The following R3HDM1 variants were observed in gnomAD, a reference collection of about 807,000 sequenced individuals.
R3HDM1 encodes the protein R3H domain-containing protein 1.
Under a neutral mutation model 141.1 loss-of-function variants are expected in R3HDM1, and 46 were observed. The ratio of observed to expected loss-of-function variants is 0.33; its 90% CI spans 0.26 to 0.42. The LOEUF is 0.42. Ranked by LOEUF, R3HDM1 falls within the 10% of genes least tolerant of loss-of-function variation. The probability of loss-of-function intolerance (pLI) is 1.00; values close to 1 mark genes in which losing one functional copy is unlikely to be tolerated. For synonymous variants in R3HDM1, 435 were observed against 472.9 expected (o/e 0.92, Z 1.04); for missense variants, 1,184 against 1,368.3 (o/e 0.87, Z 2.12).
At chr2:135,547,192 A>G (rs1282585895) in intron 1 of R3HDM1, among the ~76,000 whole-genome samples, 2 of 152,052 alleles carry the variant, frequency 1.3e-5, no homozygotes, top group Admixed American at 1.3e-4. Flanking sequence ...GTAGAACTTA[A>G]CTACATTTCT....
intron 18 of R3HDM1, among the ~76,000 whole-genome samples, 189 bp from the exon 19 acceptor site, chr2:135,661,081 A>G (rs1480580722): frequency 6.6e-6 from 1 of 151,388 alleles, no homozygotes; most frequent in Non-Finnish European, 1.5e-5. Flanking sequence ...GATTGATGAC[A>G]CATTAGTTAT....
Position 135,666,921 on chromosome 2 carries a change from T to TAAA in R3HDM1, c.2152+5541_2152+5543dup, listed in dbSNP as rs59959578. Reference sequence around the variant, plus strand: ...TGGCTTTAGTAAAATGGCTCATCTTTAAAAAAAAAAAAAAAGAAAACTACC... The same window carrying TAAA: ...TGGCTTTAGTAAAATGGCTCATCTTTAAAAAAAAAAAAAAAAAAGAAAACTACC... On this transcript the variant is annotated intron_variant, in intron 19 of 26. Coordinates refer to ENST00000683871, the MANE Select transcript of R3HDM1 (RefSeq NM_001378107.1). The TAAA allele has an allele frequency of 0.013, 2,388 of 182,242 alleles. 101 individuals are homozygous for TAAA. The East Asian group carries it at 0.19, about 15-fold the overall frequency. 11.3% of individuals were successfully genotyped at this position (182,242 alleles called of 1,614,324 possible).
chr2:135,670,277 A>T (rs1359012728), intron 19 of R3HDM1: 1 of 981,266 alleles, frequency 1.0e-6, no homozygotes, highest in Non-Finnish European at 1.2e-6. Flanking sequence ...AAAGACAGGG[A>T]TTTGGGGCCA....
intron 1 of R3HDM1, among the ~76,000 whole-genome samples, chr2:135,554,672 G>A (rs1161970915): frequency 6.6e-6 from 1 of 152,120 alleles, no homozygotes; most frequent in Non-Finnish European, 1.5e-5. Context: ...TTAATAACTG[G>A]TGTCTATAAA....
At chr2:135,639,434 ATTAC>A (rs1291665274) in intron 14 of R3HDM1, among the ~76,000 whole-genome samples, 1 of 152,160 alleles carries the variant, frequency 6.6e-6, no homozygotes, top group Non-Finnish European at 1.5e-5. Context: ...GAAATTCTTT[ATTAC>A]TTATTCGTAG....
chr2:135,661,731 G>A (rs1177817394), intron 19 of R3HDM1, among the ~76,000 whole-genome samples: 3 of 152,166 alleles, frequency 2.0e-5, no homozygotes, highest in East Asian at 1.9e-4. Flanking sequence ...GAGGCAAGGC[G>A]AGGCAAGGTG....
At chr2:135,651,075 C>T in intron 17 of R3HDM1, 1 of 985,138 alleles carries the variant, frequency 1.0e-6, no homozygotes, top group Non-Finnish European at 1.2e-6. Flanking sequence ...TGGTAGGGCA[C>T]CATTTAGTAA....
rs368367084 is a variant in R3HDM1 at position 135,631,947 on chromosome 2, A to G, written c.644A>G (p.Asn215Ser). Residue 215 changes from asparagine to serine, a missense_variant, in exon 9 of 27, where the codon AAT (asparagine) becomes AGT (serine). Physicochemically the swap from Asn to Ser is conservative, Grantham distance 46. Coordinates refer to ENST00000683871, the MANE Select transcript of R3HDM1 (RefSeq NM_001378107.1). ...GCCGCTTACTTTGGATTAGACCACA[A>G]TGTTGATCAGAGTGGGAAGTCTGTC... is the stretch of plus-strand genomic sequence containing the variant. ...RVAAYFGLDH[N>S]VDQSGKSVIV... The G allele has an allele frequency of 1.8e-5, 29 of 1,612,450 alleles. No individual in the cohort carries two copies. Among genetic ancestry groups the G allele is most frequent in the African/African-American group, 5.3e-5 (4 of 74,874 alleles).
intron 1 of R3HDM1, among the ~76,000 whole-genome samples, chr2:135,545,123 T>C (rs1001480085): frequency 6.6e-6 from 1 of 152,218 alleles, no homozygotes; most frequent in African/African-American, 2.4e-5. Flanking sequence ...ATTATTCCAA[T>C]GGTAATTTTA....
chr2:135,689,124 C>A (rs535638460), intron 21 of R3HDM1, among the ~76,000 whole-genome samples: 1 of 152,138 alleles, frequency 6.6e-6, no homozygotes, highest in Admixed American at 6.5e-5. Context: ...TTTTTTGATG[C>A]CCTCCAGGTG....
At chr2:135,548,598 A>G (rs1391978204) in intron 1 of R3HDM1, among the ~76,000 whole-genome samples, 1 of 143,126 alleles carries the variant, frequency 7.0e-6, no homozygotes, top group African/African-American at 2.5e-5. Flanking sequence ...CCCATACCCC[A>G]AGAGGCAACA....
At chr2:135,575,579 C>G (rs565144786) in intron 1 of R3HDM1, among the ~76,000 whole-genome samples, 3 of 152,140 alleles carry the variant, frequency 2.0e-5, no homozygotes, top group African/African-American at 7.2e-5. Context: ...TAATAGAATT[C>G]AATAAAATAG....
chr2:135,586,568 A>G (rs1374578312), intron 1 of R3HDM1: 1 of 331,800 alleles, frequency 3.0e-6, no homozygotes, highest in Non-Finnish European at 4.3e-6. Context: ...TGAAGTATTC[A>G]TGTTCACTTA....
chr2:135,579,101 C>T (rs1257981803), intron 1 of R3HDM1, among the ~76,000 whole-genome samples: 2 of 152,102 alleles, frequency 1.3e-5, no homozygotes, highest in Non-Finnish European at 2.9e-5. Flanking sequence ...ATGCCATTCT[C>T]CAGTAAAGGG....
At chr2:135,580,444 A>C (rs1323935264) in intron 1 of R3HDM1, among the ~76,000 whole-genome samples, 1 of 151,954 alleles carries the variant, frequency 6.6e-6, no homozygotes, top group Non-Finnish European at 1.5e-5. Flanking sequence ...TTTTTTTTGC[A>C]ATATTATTGG....
chr2:135,589,399 T>A (rs189271966), intron 1 of R3HDM1, among the ~76,000 whole-genome samples: 38 of 152,294 alleles, frequency 2.5e-4, no homozygotes, highest in Admixed American at 1.9e-3. Context: ...ATAGTTTTCA[T>A]CTCTGCTCTG....
chr2:135,659,271 A>AT (rs1304032757), intron 18 of R3HDM1, among the ~76,000 whole-genome samples: 1 of 151,320 alleles, frequency 6.6e-6, no homozygotes, highest in Non-Finnish European at 1.5e-5. Flanking sequence ...TAATTTTTGT[A>AT]TTTTTTGTAG....
At position 135,645,382 on chromosome 2, in the gene R3HDM1, A is replaced by G; in HGVS notation, c.1478A>G (p.Gln493Arg). The G allele has an allele frequency of 3.1e-6, 5 of 1,596,626 alleles. No homozygotes were observed. The highest frequency in any genetic ancestry group is 4.3e-6 in the Non-Finnish European group (5 of 1,169,036). ...TCCCTCTTTTTGAATTTTTCAGGTC[A>G]GCCCTTCATAAACCCAGATGGGAGT... ...GSILINPQTGQPFINPDGSPV... is the reference protein window; with the variant it reads ...GSILINPQTGRPFINPDGSPV... Residue 493 changes from glutamine (Q) to arginine (R), a missense_variant, in exon 16 of 27, where the codon CAG (glutamine) becomes CGG (arginine). Physicochemically the swap from Gln to Arg is conservative, Grantham distance 43. Around this residue, in one of 5 missense-constraint regions of R3HDM1, gnomAD observed 563 missense variants for 562.0 expected, o/e 1.00. Transcript: ENST00000683871.
intron 1 of R3HDM1, among the ~76,000 whole-genome samples, chr2:135,591,903 A>G (rs992282965): frequency 4.6e-5 from 7 of 152,198 alleles, no homozygotes; most frequent in African/African-American, 7.2e-5. Context: ...TTCTCTCCCC[A>G]TGAGGTCAAG....
Sources: gnomAD v4.1 joint callset for allele counts (sites outside exome capture counted in the v4.1 genomes callset) on GRCh38, gnomAD v4.1.1 for gene constraint, gnomAD v4.1.1 regional missense constraint, MANE v1.5 for transcripts, NCBI Gene and HGNC (gene_info 2026-07-23, HGNC 2026-07-21) for gene names.